PTPRU: variants seen among roughly 807,000 people sequenced by gnomAD.
The protein encoded by PTPRU is protein tyrosine phosphatase receptor type U.
PTPRU carries 69 observed loss-of-function variants against 166.3 expected under a neutral mutation model. That is an observed-to-expected ratio of 0.41 (90% CI 0.34 to 0.51). PTPRU has a LOEUF of 0.51. PTPRU is among the 20% of genes least tolerant of loss of function. The pLI is 0.09. For missense variants in PTPRU, 1,657 were observed against 2,013.7 expected (o/e 0.82, Z 3.39); for synonymous variants, 793 against 814.0 (o/e 0.97, Z 0.44).
chr1:29,266,136 T>G (rs749064670), intron 7 of PTPRU, among the ~76,000 whole-genome samples: 10 of 151,150 alleles, frequency 6.6e-5, no homozygotes, highest in Non-Finnish European at 1.3e-4. Flanking sequence ...TTCTCCTGCT[T>G]CAGCCTCCTG....
intron 7 of PTPRU, among the ~76,000 whole-genome samples, chr1:29,269,633 CTGTTGGCCAGCTGTGT>C (rs1685478349): frequency 6.6e-6 from 1 of 152,094 alleles, no homozygotes; most frequent in Non-Finnish European, 1.5e-5. Flanking sequence ...AGTTGTTTTG[CTGTTGGCCAGCTGTGT>C]TGTCATCTCC....
intron 7 of PTPRU, among the ~76,000 whole-genome samples, chr1:29,272,150 G>T (rs1374750022): frequency 1.3e-5 from 2 of 152,152 alleles, no homozygotes; most frequent in Non-Finnish European, 2.9e-5. Context: ...AAACATAGAA[G>T]AATGATGGCT....
In PTPRU at chr1:29,315,245, G is replaced by T; in HGVS notation, c.3228-127G>T. The stretch of plus-strand genomic sequence containing the variant: ...GTCCTGGCTCCTTACTCGGGGAGGG[G>T]CAGTCATCTCTGTGTCCGTGTCCCC... On this transcript the variant is annotated intron_variant, in intron 22 of 29. Transcript: ENST00000373779. The surrounding 1 kb of genome is among the most constrained non-coding windows in gnomAD (Gnocchi z 4.5). 8.5e-7 allele frequency: 1 copy of T among 1,183,350 alleles called. No individual in the cohort carries two copies. The highest frequency in any genetic ancestry group is 2.5e-5 in the East Asian group (1 of 40,244). The allele number at this position is 1,183,350 out of a possible 1,614,324, so 73.3% of individuals were successfully genotyped here.
chr1:29,322,383 T>C (rs1688197537), intron 26 of PTPRU, among the ~76,000 whole-genome samples: 1 of 152,142 alleles, frequency 6.6e-6, no homozygotes, highest in South Asian at 2.1e-4. Flanking sequence ...AAAAGAGCTA[T>C]GAAAGAGCTG....
chr1:29,304,152 C>T, intron 16 of PTPRU, 107 bp downstream of exon 16: 2 of 1,276,856 alleles, frequency 1.6e-6, no homozygotes, highest in East Asian at 5.1e-5. Flanking sequence ...TGGTTGGACG[C>T]CTGCTCTGAC....
At position 29,237,056 on chromosome 1, in the gene PTPRU, G is replaced by C. The variant is rs1040778595; in HGVS notation, c.73+339G>C. ...GTGGGTTGTGTGTGCATCTGAGTTT[G>C]GTTGTGTTGCGGGAGTTGTATCTGC... is the stretch of plus-strand genomic sequence containing the variant. On this transcript the variant is annotated intron_variant, in intron 1 of 29. Coordinates refer to ENST00000373779, the MANE Select transcript of PTPRU (RefSeq NM_133178.4). The surrounding 1 kb of genome is among the most constrained non-coding windows in gnomAD (Gnocchi z 6.4). Among the ~76,000 whole-genome samples, 1 of 152,174 alleles carries C rather than the reference G, an allele frequency of 6.6e-6. No individual in the cohort carries two copies. The highest frequency in any genetic ancestry group is 2.4e-5 in the African/African-American group (1 of 41,432).
intron 25 of PTPRU, among the ~76,000 whole-genome samples, chr1:29,319,996 C>G (rs1365330032): frequency 1.3e-5 from 2 of 152,180 alleles, no homozygotes; most frequent in Admixed American, 6.5e-5. Flanking sequence ...GCCTGGGGCC[C>G]CAGACCCTTC....
At chr1:29,267,989 A>G in intron 7 of PTPRU, among the ~76,000 whole-genome samples, 1 of 152,148 alleles carries the variant, frequency 6.6e-6, no homozygotes, top group East Asian at 1.9e-4. Context: ...TGAATATGGG[A>G]TGAGAGAAAG....
chr1:29,240,537 G>A (rs540113177), intron 1 of PTPRU, among the ~76,000 whole-genome samples: 66 of 152,278 alleles, frequency 4.3e-4, no homozygotes, highest in Non-Finnish European at 7.1e-4. Flanking sequence ...AATTCCTGGA[G>A]GGTGGGGGAT....
Position 29,260,104 on chromosome 1 carries a change from C to A in PTPRU, c.850+60C>A. On this transcript the variant is annotated intron_variant, in intron 6 of 29. Coordinates refer to ENST00000373779, the MANE Select transcript of PTPRU (RefSeq NM_133178.4). This position sits in a 1 kb window ranked among gnomAD's most constrained non-coding sequence, Gnocchi z 8.3. ...CACCCTCGAGGGGCGGGGCCGGCGA[C>A]GGGGGCGGGCTCTGCCCGGGGGCGT... The A allele has an allele frequency of 3.3e-6, 2 of 605,680 alleles. No individual in the cohort carries two copies. Among genetic ancestry groups the A allele is most frequent in the East Asian group, 1.6e-4 (2 of 12,848 alleles). 37.5% of individuals were successfully genotyped at this position (605,680 alleles called of 1,614,324 possible).
intron 1 of PTPRU, among the ~76,000 whole-genome samples, chr1:29,253,593 T>C (rs1684647568): frequency 6.6e-6 from 1 of 151,952 alleles, no homozygotes; most frequent in Non-Finnish European, 1.5e-5. Context: ...TGTGCAAAAG[T>C]AATTGCTGTT....
rs1346641454 is a variant in PTPRU, at chr1:29,257,406, C to T, written c.206-1099C>T. On this transcript the variant is annotated intron_variant, in intron 2 of 29. Coordinates refer to ENST00000373779, the MANE Select transcript of PTPRU (RefSeq NM_133178.4). The surrounding 1 kb of genome is among the most constrained non-coding windows in gnomAD (Gnocchi z 4.6). Reference sequence around the variant, plus strand: ...CCTCCAGCAGAGTCCCTGGGGAGCCCTCCTGGAGCGGGGATCTGAGTGAGC... The same window carrying T: ...CCTCCAGCAGAGTCCCTGGGGAGCCTTCCTGGAGCGGGGATCTGAGTGAGC... 6.6e-6 allele frequency among the ~76,000 whole-genome samples: 1 copy of T among 152,164 alleles called. No individual in the cohort carries two copies. Among genetic ancestry groups the T allele is most frequent in the Non-Finnish European group, 1.5e-5 (1 of 68,032 alleles).
intron 1 of PTPRU, among the ~76,000 whole-genome samples, chr1:29,242,126 A>G (rs921298223): frequency 1.3e-5 from 2 of 152,168 alleles, no homozygotes; most frequent in Non-Finnish European, 2.9e-5. Flanking sequence ...TCCTGACCTC[A>G]GGTGATCCAC....
rs187331815 is a variant in PTPRU at position 29,258,477 on chromosome 1, C to T, written c.206-28C>T. 97 of 1,604,594 alleles carry T rather than the reference C, an allele frequency of 6.0e-5. No homozygotes were observed. The African/African-American group carries it at 1.2e-3, about 20-fold the overall frequency. ...TGTCCCTCCCCTGAGGTCTCCTCAT[C>T]TCCTGCCTCTTCCTCCTCTCTTTCC... On this transcript the variant is annotated intron_variant, in intron 2 of 29. Transcript: ENST00000373779.
At position 29,279,678 on chromosome 1, in the gene PTPRU, C is replaced by T; in HGVS notation, c.1765+21C>T. On this transcript the variant is annotated intron_variant, in intron 10 of 29. Transcript: ENST00000373779. This position sits in a 1 kb window ranked among gnomAD's most constrained non-coding sequence, Gnocchi z 5.2. ...CTCTGGTGAGCCCCACCTGACCCGG[C>T]CCAGCCTCTTCGGAGGTGGCCCAGA... 2.5e-6 allele frequency: 4 copies of T among 1,606,686 alleles called. No homozygotes were observed. In the South Asian group the frequency reaches 4.4e-5, roughly 18 times the overall value.
chr1:29,305,364 G>C lies in PTPRU; in HGVS notation c.2756G>C (p.Arg919Pro), dbSNP rs758801155. Residue 919 changes from arginine to proline, a missense_variant, in exon 18 of 30, where the codon CGA (arginine) becomes CCA (proline). Transcript: ENST00000373779. ...QEPMPAYDRH[R>P]VKLHPMLGDP... ...TCTGTGTTTACAGATGATCGGCACC[G>C]AGTGAAACTGCACCCGATGCTGGGA... The C allele has an allele frequency of 6.2e-7, 1 of 1,613,906 alleles. No homozygotes were observed. Among genetic ancestry groups the C allele is most frequent in the Non-Finnish European group, 8.5e-7 (1 of 1,180,028 alleles).
chr1:29,307,190 G>A (rs1557473527), intron 18 of PTPRU: 17 of 1,595,856 alleles, frequency 1.1e-5, no homozygotes, highest in Non-Finnish European at 1.5e-5. Context: ...TCTTCCTCCT[G>A]TCTGTCTGAC....
At chr1:29,273,315 C>T (rs1685654295) in intron 7 of PTPRU, among the ~76,000 whole-genome samples, 1 of 152,160 alleles carries the variant, frequency 6.6e-6, no homozygotes, top group Non-Finnish European at 1.5e-5. Context: ...GTCGCCCAGG[C>T]TGGAGTGCAG....
Position 29,325,672 on chromosome 1 carries a change from G to A in PTPRU, c.*11G>A. On this transcript the variant is annotated 3_prime_UTR_variant, in exon 30 of 30. Coordinates refer to ENST00000373779, the MANE Select transcript of PTPRU (RefSeq NM_133178.4). ...CTGGAGTCAAGATAGCGGGGCCCTG[G>A]CCTGGGGCACCCACTGCACACTCAG... 1 of 1,594,450 alleles carries A rather than the reference G, an allele frequency of 6.3e-7. No individual in the cohort carries two copies. The highest frequency in any genetic ancestry group is 1.1e-5 in the South Asian group (1 of 87,748).
Sources: gnomAD v4.1 joint callset for allele counts (sites outside exome capture counted in the v4.1 genomes callset) on GRCh38, gnomAD v4.1.1 for gene constraint, Gnocchi (gnomAD v3.1) non-coding constraint, MANE v1.5 for transcripts, NCBI Gene and HGNC (gene_info 2026-07-23, HGNC 2026-07-21) for gene names.